ADAM29: variants seen among roughly 807,000 people sequenced by gnomAD.
ADAM29 encodes the protein ADAM metallopeptidase domain 29.
For missense variants in ADAM29, 969 were observed against 1,001.8 expected, an observed-to-expected ratio of 0.97 and a Z score of 0.44; for synonymous variants, 367 against 342.3, an observed-to-expected ratio of 1.07 and a Z score of -0.80.
At chr4:174,971,860 C>G (rs1194714352) in intron 4 of ADAM29, among the ~76,000 whole-genome samples, 1 of 152,118 alleles carries the variant, frequency 6.6e-6, no homozygotes, top group Non-Finnish European at 1.5e-5. Flanking sequence ...GAGGTCCTAT[C>G]AGTTTCTTAA....
chr4:174,975,943 G>T lies in ADAM29; in HGVS notation c.418G>T (p.Ala140Ser). ...NDFAYEIKPL[A>S]FSTTFEHLVY... ...CTTTGCTTATGAAATCAAGCCCCTA[G>T]CATTTTCTACCACGTTTGAACATCT... The change falls in exon 5 of 5, where the codon GCA becomes TCA. Residue 140 changes from alanine (A) to serine (S), a missense_variant. Transcript: ENST00000359240. 4.3e-6 allele frequency: 7 copies of T among 1,614,030 alleles called. No individual in the cohort carries two copies. The highest frequency in any genetic ancestry group is 5.9e-6 in the Non-Finnish European group (7 of 1,179,974).
At chr4:174,970,147 T>C (rs1746391322) in intron 4 of ADAM29, among the ~76,000 whole-genome samples, 1 of 151,986 alleles carries the variant, frequency 6.6e-6, no homozygotes, top group Admixed American at 6.6e-5. Flanking sequence ...GACAATAGGA[T>C]TAGTTATTAA....
At chr4:174,968,769 GCC>G (rs888285810) in intron 4 of ADAM29, among the ~76,000 whole-genome samples, 11 of 93,464 alleles carry the variant, frequency 1.2e-4, no homozygotes, top group East Asian at 7.1e-4. Flanking sequence ...GCCACTTTCC[GCC>G]CACACACACA....
chr4:174,947,033 A>C (rs1744889334), intron 4 of ADAM29, among the ~76,000 whole-genome samples: 1 of 152,006 alleles, frequency 6.6e-6, no homozygotes, highest in Admixed American at 6.6e-5. Context: ...GTGTTCATAG[A>C]GATGTTTTTA....
chr4:174,964,619 A>G (rs1283871803), intron 4 of ADAM29, among the ~76,000 whole-genome samples: 2 of 152,128 alleles, frequency 1.3e-5, no homozygotes, highest in Non-Finnish European at 2.9e-5. Context: ...TATGTAACTA[A>G]TATTTTTTGG....
At chr4:174,919,339 T>C (rs1003446739) in intron 1 of ADAM29, among the ~76,000 whole-genome samples, 1 of 152,230 alleles carries the variant, frequency 6.6e-6, no homozygotes, top group Non-Finnish European at 1.5e-5. Flanking sequence ...TCATTCACTA[T>C]AGCCAACAAT....
chr4:174,960,966 G>C (rs1318608533), intron 4 of ADAM29, among the ~76,000 whole-genome samples: 1 of 152,094 alleles, frequency 6.6e-6, no homozygotes, highest in African/African-American at 2.4e-5. Flanking sequence ...AACCTTACAA[G>C]AAAAGTGACC....
At chr4:174,964,310 CCA>C (rs1560887208) in intron 4 of ADAM29, among the ~76,000 whole-genome samples, 1 of 151,924 alleles carries the variant, frequency 6.6e-6, no homozygotes, top group African/African-American at 2.4e-5. Flanking sequence ...ATGTAAGGCC[CCA>C]GTCAGAAGAC....
Position 174,936,603 on chromosome 4 carries a change from T to G in ADAM29, c.-261-330T>G, listed in dbSNP as rs577925251. ...TTAAAAACTACCTATGTATTTGTTC[T>G]AAGTTGCTCCCACTTGTATTTGAAT... On this transcript the variant is annotated intron_variant, in intron 3 of 4. Coordinates refer to ENST00000359240, the MANE Select transcript of ADAM29 (RefSeq NM_014269.4). Among the ~76,000 whole-genome samples the G allele has an allele frequency of 3.9e-5, 6 of 152,144 alleles. No individual in the cohort carries two copies. In the East Asian group the frequency reaches 1.2e-3, roughly 29 times the overall value.
At chr4:174,942,017 G>A (rs2110977339) in intron 4 of ADAM29, among the ~76,000 whole-genome samples, 1 of 152,232 alleles carries the variant, frequency 6.6e-6, no homozygotes, top group East Asian at 1.9e-4. Flanking sequence ...ACCCATAAGG[G>A]CAGTCATTAA....
intron 2 of ADAM29, among the ~76,000 whole-genome samples, chr4:174,929,968 G>A (rs757381103): frequency 3.0e-4 from 46 of 152,080 alleles, no homozygotes; most frequent in Admixed American, 8.5e-4. Flanking sequence ...TCAGTCTGTC[G>A]CCCAGGCTGG....
intron 4 of ADAM29, among the ~76,000 whole-genome samples, chr4:174,939,836 T>C (rs527520328): frequency 6.6e-6 from 1 of 151,966 alleles, no homozygotes; most frequent in African/African-American, 2.4e-5. Context: ...GGTGGAAAAA[T>C]AGCCATTTTC....
In ADAM29 at chr4:174,977,764, C is replaced by A. The variant is rs1262684552; in HGVS notation, c.2239C>A (p.Pro747Thr). ...TTCCCAGAGTCAACCTCCTGTGACG[C>A]CTTCCCAGAGTCATCCTCAGGTGAT... is the stretch of plus-strand genomic sequence containing the variant. ...MPSQSQPPVT[P>T]SQSHPQVMPS... The change falls in exon 5 of 5, where the codon CCT (proline) becomes ACT (threonine). Residue 747 changes from proline (P) to threonine (T), a missense_variant. Physicochemically the swap from Pro to Thr is conservative, Grantham distance 38 (BLOSUM62 -1). Coordinates refer to ENST00000359240, the MANE Select transcript of ADAM29 (RefSeq NM_014269.4). The A allele has an allele frequency of 6.2e-7, 1 of 1,602,498 alleles. No individual in the cohort carries two copies.
At chr4:174,937,340 TATC>T (rs1425116072) in intron 4 of ADAM29, among the ~76,000 whole-genome samples, 5 of 152,098 alleles carry the variant, frequency 3.3e-5, no homozygotes, top group Non-Finnish European at 7.4e-5. Flanking sequence ...TTTTCTCAGC[TATC>T]ATCAATTTTC....
At position 174,974,514 on chromosome 4, in the gene ADAM29, T is replaced by C. The variant is rs182843998; in HGVS notation, c.-180-832T>C. ...ACTTGTTTCAGAGTATTAAATTGTA[T>C]TTAGAACGAAGGATAAGGAAAAACT... On this transcript the variant is annotated intron_variant, in intron 4 of 4. Transcript: ENST00000359240. Among the ~76,000 whole-genome samples the C allele has an allele frequency of 5.1e-4, 78 of 152,330 alleles. 2 individuals carry two copies. In the East Asian group the frequency reaches 0.014, roughly 27 times the overall value.
At chr4:174,961,319 T>G (rs574711811) in intron 4 of ADAM29, among the ~76,000 whole-genome samples, 1 of 151,296 alleles carries the variant, frequency 6.6e-6, no homozygotes, top group Non-Finnish European at 1.5e-5. Context: ...TTATTCATTA[T>G]ATAGTTGATA....
chr4:174,940,372 CATG>C (rs1272222101), intron 4 of ADAM29, among the ~76,000 whole-genome samples: 2 of 152,104 alleles, frequency 1.3e-5, no homozygotes, highest in Admixed American at 1.3e-4. Flanking sequence ...GCAATGTTAA[CATG>C]ATGACAGGCA....
At chr4:174,947,307 C>T (rs1461631695) in intron 4 of ADAM29, among the ~76,000 whole-genome samples, 2 of 151,968 alleles carry the variant, frequency 1.3e-5, no homozygotes, top group Non-Finnish European at 2.9e-5. Context: ...GGTTGGTTTG[C>T]TATTATTTTC....
chr4:174,946,411 C>T (rs1484298592), intron 4 of ADAM29, among the ~76,000 whole-genome samples: 1 of 151,922 alleles, frequency 6.6e-6, no homozygotes, highest in Non-Finnish European at 1.5e-5. Context: ...GACTATGAGG[C>T]TTTGTAGTTA....
Sources: gnomAD v4.1 joint callset for allele counts (sites outside exome capture counted in the v4.1 genomes callset) on GRCh38, gnomAD v4.1.1 for gene constraint, MANE v1.5 for transcripts, NCBI Gene and HGNC (gene_info 2026-07-23, HGNC 2026-07-21) for gene names.